Variants in ATPSCKMT observed in about 807,000 individuals in gnomAD.
ATPSCKMT encodes the protein ATP synthase subunit C lysine N-methyltransferase.
In ATPSCKMT, 24 loss-of-function variants were observed where a neutral mutation model predicts 24.3. The observed-to-expected ratio is 0.99, with a 90% confidence interval of 0.71 to 1.39. The LOEUF (loss-of-function observed/expected upper bound fraction) is 1.39. Among genes scored for constraint, ATPSCKMT ranks in the 40% most tolerant of loss-of-function variants. The pLI is 0.00. For synonymous variants in ATPSCKMT, 95 were observed against 110.5 expected (o/e 0.86, Z 0.88); for missense variants, 311 against 298.4 (o/e 1.04, Z -0.31).
chr5:10,230,055 T>A (rs1744054997), intron 4 of ATPSCKMT, among the ~76,000 whole-genome samples: 1 of 152,204 alleles, frequency 6.6e-6, no homozygotes. Context: ...AAATTATTCC[T>A]CTAAAAAGTA....
intron 4 of ATPSCKMT, among the ~76,000 whole-genome samples, chr5:10,231,252 T>G (rs934173283): frequency 1.3e-5 from 2 of 152,156 alleles, no homozygotes; most frequent in Non-Finnish European, 2.9e-5. Context: ...CAACGTTAGA[T>G]CTGCCAGCTA....
chr5:10,245,588 A>G (rs1744879256), intron 1 of ATPSCKMT, among the ~76,000 whole-genome samples: 1 of 151,930 alleles, frequency 6.6e-6, no homozygotes, highest in Non-Finnish European at 1.5e-5. Context: ...TCTACCAAAA[A>G]TGCAAAAAAT....
chr5:10,240,690 G>C (rs1335529071), intron 1 of ATPSCKMT, among the ~76,000 whole-genome samples: 3 of 152,098 alleles, frequency 2.0e-5, no homozygotes, highest in Non-Finnish European at 4.4e-5. Context: ...CACAAAATTA[G>C]TGGCTTAAAA....
chr5:10,227,647 TC>T lies in ATPSCKMT; in HGVS notation c.496-1del, dbSNP rs757412997. On this transcript the variant is annotated splice_acceptor_variant, in intron 4 of 4. Transcript: ENST00000511437. LOFTEE classifies it high-confidence loss of function. ...TCAAGTTTCTTCTCCAACTGCAGCA[TC>T]TGTGGAGAGTAACAGCTATTATTTT... The T allele has an allele frequency of 6.2e-7, 1 of 1,613,778 alleles. No homozygotes were observed. The highest frequency in any genetic ancestry group is 1.3e-5 in the African/African-American group (1 of 74,916).
At chr5:10,243,376 C>T (rs1428231474) in intron 1 of ATPSCKMT, among the ~76,000 whole-genome samples, 1 of 151,936 alleles carries the variant, frequency 6.6e-6, no homozygotes, top group African/African-American at 2.4e-5. Flanking sequence ...CCCAGCTACT[C>T]GGGAGGCTGA....
intron 1 of ATPSCKMT, 101 bp downstream of exon 1, chr5:10,249,757 T>C (rs1291412017): frequency 6.8e-7 from 1 of 1,473,502 alleles, no homozygotes; most frequent in Non-Finnish European, 9.0e-7. Context: ...CCGCACCCGG[T>C]CACCGCCTCG....
intron 1 of ATPSCKMT, among the ~76,000 whole-genome samples, chr5:10,241,465 C>G (rs1262185069): frequency 6.6e-6 from 1 of 152,204 alleles, no homozygotes; most frequent in East Asian, 1.9e-4. Context: ...CTCAGGGCAG[C>G]CAGCCAATCG....
chr5:10,249,769 C>T, intron 1 of ATPSCKMT, 89 bp downstream of exon 1: 1 of 1,498,586 alleles, frequency 6.7e-7, no homozygotes, highest in Non-Finnish European at 8.9e-7. Context: ...ACCGCCTCGA[C>T]AGTGGAGACC....
intron 4 of ATPSCKMT, among the ~76,000 whole-genome samples, chr5:10,232,918 T>C (rs7714921): frequency 6.6e-6 from 1 of 152,092 alleles, no homozygotes; most frequent in Non-Finnish European, 1.5e-5. Flanking sequence ...GTGCGTAAGC[T>C]CATGTTAAAC....
In ATPSCKMT at chr5:10,231,425, G is replaced by A. The variant is rs751433753; in HGVS notation, c.496-3778C>T. 8.0e-4 allele frequency among the ~76,000 whole-genome samples: 122 copies of A among 152,062 alleles called. 1 individual carries two copies. Among genetic ancestry groups the A allele is most frequent in the Non-Finnish European group, 1.5e-3 (99 of 68,010 alleles). On this transcript the variant is annotated intron_variant, in intron 4 of 4. Transcript: ENST00000511437. ...ACCCTTCTCAAGCCCAGCCAGCCCT[G>A]CATTCCTCTCTGCTCACCCAAGGCT...
Position 10,227,472 on chromosome 5 carries a change from G to C in ATPSCKMT, c.671C>G (p.Ser224Trp), listed in dbSNP as rs370685274. ...TTGAATGGGCAGCTGGAAATGCATC[G>C]ATGTACAGGGCCTCTTTTCACGGCC... The part of the protein sequence containing the change: ...FRGREKRPCT[S>W]MHFQLPIQA Residue 224 changes from serine to tryptophan, a missense_variant, in exon 5 of 5, where the codon TCG (serine) becomes TGG (tryptophan). By Grantham distance (177) the Ser-to-Trp change is radical (BLOSUM62 -3). Coordinates refer to ENST00000511437, the MANE Select transcript of ATPSCKMT (RefSeq NM_199133.4). 1.9e-6 allele frequency: 3 copies of C among 1,614,004 alleles called. No individual in the cohort carries two copies. Among genetic ancestry groups the C allele is most frequent in the Non-Finnish European group, 2.5e-6 (3 of 1,180,040 alleles).
chr5:10,229,064 T>G (rs1449274530), intron 4 of ATPSCKMT, among the ~76,000 whole-genome samples: 2 of 152,264 alleles, frequency 1.3e-5, no homozygotes, highest in Non-Finnish European at 2.9e-5. Context: ...GTGTGTATTT[T>G]CTAAGAAAAA....
intron 4 of ATPSCKMT, 37 bp downstream of exon 4, chr5:10,235,174 C>G: frequency 1.2e-6 from 2 of 1,609,624 alleles, no homozygotes; most frequent in Non-Finnish European, 1.7e-6. Context: ...TCAACATCAT[C>G]TAACCCCAAA....
intron 1 of ATPSCKMT, 132 bp downstream of exon 1, chr5:10,249,724 AGG>A: frequency 7.3e-7 from 1 of 1,367,070 alleles, no homozygotes; most frequent in Non-Finnish European, 9.8e-7. Flanking sequence ...ACCGAAGGCC[AGG>A]CTGGAGGCCA....
In ATPSCKMT at chr5:10,230,579, C is replaced by T. The variant is rs1481120232; in HGVS notation, c.496-2932G>A. 3.3e-5 allele frequency among the ~76,000 whole-genome samples: 5 copies of T among 152,224 alleles called. No homozygotes were observed. The South Asian group carries it at 6.2e-4, about 19-fold the overall frequency. ...CTTGATATCATACGCAAAGAGAAGC[C>T]GTGATGTGTCATGTCTGCGTAAAGG... On this transcript the variant is annotated intron_variant, in intron 4 of 4. Transcript: ENST00000511437.
At chr5:10,233,644 G>T (rs375399768) in intron 4 of ATPSCKMT, among the ~76,000 whole-genome samples, 4 of 151,168 alleles carry the variant, frequency 2.6e-5, no homozygotes, top group Admixed American at 6.6e-5. Context: ...CGGCTCCACA[G>T]GTCCTGGAGT....
chr5:10,226,632 A>C lies in ATPSCKMT; in HGVS notation c.*809T>G, dbSNP rs565431946. The C allele has an allele frequency of 1.7e-4, 26 of 152,374 alleles. No homozygotes were observed. Among genetic ancestry groups the C allele is most frequent in the South Asian group, 1.2e-3 (6 of 4,832 alleles). The allele number at this position is 152,374 out of a possible 1,614,324, so 9.4% of individuals were successfully genotyped here. Reference sequence around the variant, plus strand: ...AATAAAAAAGTGACTAGCAGAAATAATCTGCAACTTCTGTGAATAAGATTT... The same window carrying C: ...AATAAAAAAGTGACTAGCAGAAATACTCTGCAACTTCTGTGAATAAGATTT... On this transcript the variant is annotated 3_prime_UTR_variant, in exon 5 of 5. Coordinates refer to ENST00000511437, the MANE Select transcript of ATPSCKMT (RefSeq NM_199133.4).
chr5:10,235,338 G>C, intron 3 of ATPSCKMT, 77 bp from the exon 4 acceptor site: 1 of 1,294,282 alleles, frequency 7.7e-7, no homozygotes. Flanking sequence ...TTACAGAAAT[G>C]GGTAGCAGTT....
At chr5:10,244,232 C>T (rs895143985) in intron 1 of ATPSCKMT, among the ~76,000 whole-genome samples, 4 of 152,094 alleles carry the variant, frequency 2.6e-5, no homozygotes, top group African/African-American at 9.7e-5. Context: ...ATCAAAAATC[C>T]CTGATCATAG....
Sources: gnomAD v4.1 joint callset for allele counts (sites outside exome capture counted in the v4.1 genomes callset) on GRCh38, gnomAD v4.1.1 for gene constraint, MANE v1.5 for transcripts, NCBI Gene and HGNC (gene_info 2026-07-23, HGNC 2026-07-21) for gene names.